Variants in CPQ observed in about 807,000 individuals in gnomAD.
CPQ encodes Ser-Met dipeptidase.
In CPQ, 37 loss-of-function variants were observed where a neutral mutation model predicts 45.7. The ratio of observed to expected loss-of-function variants is 0.81; its 90% CI spans 0.62 to 1.07. The LOEUF (loss-of-function observed/expected upper bound fraction) is 1.07, where lower values mean the gene tolerates loss of function less well. CPQ is among the 50% of genes least tolerant of loss of function. The pLI is 0.00. For synonymous variants in CPQ, 186 were observed against 205.8 expected (o/e 0.90, Z 0.82); for missense variants, 537 against 572.9 (o/e 0.94, Z 0.64).
chr8:96,676,740 T>G (rs1444473224), intron 1 of CPQ, among the ~76,000 whole-genome samples: 1 of 152,064 alleles, frequency 6.6e-6, no homozygotes, highest in Non-Finnish European at 1.5e-5. Context: ...ATAGGCTGTT[T>G]AGTGGTGATT....
chr8:96,672,977 A>G (rs574067709), intron 1 of CPQ, among the ~76,000 whole-genome samples: 1 of 152,082 alleles, frequency 6.6e-6, no homozygotes, highest in Non-Finnish European at 1.5e-5. Flanking sequence ...ATGAAGGTGT[A>G]CTGTTCACTC....
At chr8:97,124,882 A>C (rs1282588748) in intron 7 of CPQ, among the ~76,000 whole-genome samples, 2 of 152,192 alleles carry the variant, frequency 1.3e-5, no homozygotes, top group Non-Finnish European at 2.9e-5. Flanking sequence ...ACAACAACAA[A>C]AATACTAACC....
At chr8:96,725,128 C>G (rs879085632) in intron 1 of CPQ, among the ~76,000 whole-genome samples, 1 of 152,104 alleles carries the variant, frequency 6.6e-6, no homozygotes, top group Admixed American at 6.6e-5. Flanking sequence ...CTGTAAAAGT[C>G]TTAGAAGAAA....
chr8:97,108,199 T>A (rs1811435604), intron 7 of CPQ, among the ~76,000 whole-genome samples: 1 of 152,194 alleles, frequency 6.6e-6, no homozygotes, highest in South Asian at 2.1e-4. Context: ...GTACTAATAT[T>A]CCATGTTGTA....
At chr8:96,648,703 G>C (rs535346574) in intron 1 of CPQ, among the ~76,000 whole-genome samples, 13 of 152,238 alleles carry the variant, frequency 8.5e-5, no homozygotes, top group African/African-American at 3.1e-4. Context: ...CCAGGAAAGA[G>C]GTATGATTGG....
At chr8:96,703,026 T>C (rs770607466) in intron 1 of CPQ, among the ~76,000 whole-genome samples, 84 of 152,132 alleles carry the variant, frequency 5.5e-4, no homozygotes, top group Non-Finnish European at 1.0e-3. Flanking sequence ...TGTTAATGAA[T>C]CAATAGATAG....
At chr8:97,122,970 AT>A (rs1563586879) in intron 7 of CPQ, among the ~76,000 whole-genome samples, 43 of 74,656 alleles carry the variant, frequency 5.8e-4, no homozygotes, top group East Asian at 8.2e-4. Context: ...ATAAAATAAA[AT>A]AAAATAAAAT....
chr8:96,966,146 C>T, intron 5 of CPQ, 100 bp downstream of exon 5: 1 of 792,164 alleles, frequency 1.3e-6, no homozygotes. Context: ...ATGGTATGTT[C>T]AAAGATCCTC....
intron 1 of CPQ, among the ~76,000 whole-genome samples, chr8:96,654,533 T>C (rs1386277572): frequency 6.6e-6 from 1 of 151,482 alleles, no homozygotes; most frequent in Non-Finnish European, 1.5e-5. Flanking sequence ...TCAAGGTCCT[T>C]ATGATCCCCT....
Position 96,734,786 on chromosome 8 carries a change from C to T in CPQ, c.-34-50078C>T, listed in dbSNP as rs925696601. Among the ~76,000 whole-genome samples the T allele has an allele frequency of 3.3e-5, 5 of 151,958 alleles. No individual in the cohort carries two copies. The South Asian group carries it at 1.0e-3, about 32-fold the overall frequency. ...AAAAAAATAAAATATCCTCTGACAACTTCCCAGGCTTTTATACTTGAGTCC... is the reference window on the plus strand; with the variant it reads ...AAAAAAATAAAATATCCTCTGACAATTTCCCAGGCTTTTATACTTGAGTCC... On this transcript the variant is annotated intron_variant, in intron 1 of 7. Transcript: ENST00000220763.
chr8:96,702,533 A>G (rs1350164597), intron 1 of CPQ, among the ~76,000 whole-genome samples: 2 of 152,182 alleles, frequency 1.3e-5, no homozygotes, highest in East Asian at 3.8e-4. Context: ...GATAGCTAAC[A>G]CTTAAATAGT....
chr8:97,094,652 C>T (rs185700031), intron 7 of CPQ, among the ~76,000 whole-genome samples: 241 of 152,260 alleles, frequency 1.6e-3, no homozygotes, highest in Non-Finnish European at 2.8e-3. Flanking sequence ...TCTATGCCCT[C>T]AAGCAACTCA....
chr8:96,810,299 C>T (rs1811145245), intron 2 of CPQ, among the ~76,000 whole-genome samples: 1 of 152,164 alleles, frequency 6.6e-6, no homozygotes, highest in Non-Finnish European at 1.5e-5. Context: ...CTTTTATACC[C>T]TGGTGCCCAG....
chr8:96,838,123 ACCTCTTTTTT>A (rs1398347461), intron 3 of CPQ, among the ~76,000 whole-genome samples: 3 of 151,930 alleles, frequency 2.0e-5, no homozygotes, highest in Non-Finnish European at 2.9e-5. Context: ...CAGGTGAGTT[ACCTCTTTTTT>A]GGTATTTCCA....
At chr8:96,667,029 T>G (rs1272667647) in intron 1 of CPQ, among the ~76,000 whole-genome samples, 1 of 152,162 alleles carries the variant, frequency 6.6e-6, no homozygotes, top group Non-Finnish European at 1.5e-5. Context: ...TTCTAGTCTC[T>G]CTTTTTTAAT....
chr8:96,815,514 A>AAAAG (rs778426664), intron 2 of CPQ, among the ~76,000 whole-genome samples: 2 of 152,038 alleles, frequency 1.3e-5, no homozygotes, highest in East Asian at 1.9e-4. Flanking sequence ...TTGGAGGAAA[A>AAAAG]AAAGAAAGAA....
chr8:96,655,923 C>T lies in CPQ; in HGVS notation c.-35+10521C>T, dbSNP rs57679589. 3.2e-3 allele frequency among the ~76,000 whole-genome samples: 481 copies of T among 152,328 alleles called. 4 individuals are homozygous for T. Among genetic ancestry groups the T allele is most frequent in the African/African-American group, 0.011 (452 of 41,560 alleles). The stretch of plus-strand genomic sequence containing the variant: ...CCTCCTGAGTGCAGTGGTATAATGA[C>T]AGCTCACTGCAGCCTTGACCTCCTG... On this transcript the variant is annotated intron_variant, in intron 1 of 7. Transcript: ENST00000220763.
chr8:96,697,219 A>T (rs1809396898), intron 1 of CPQ, among the ~76,000 whole-genome samples: 1 of 152,220 alleles, frequency 6.6e-6, no homozygotes, highest in African/African-American at 2.4e-5. Context: ...TCCTCAACAT[A>T]TGCAAACCAA....
intron 7 of CPQ, 97 bp from the exon 8 acceptor site, chr8:97,142,923 G>A: frequency 7.7e-6 from 9 of 1,168,550 alleles, no homozygotes; most frequent in South Asian, 1.4e-5. Flanking sequence ...ATTGCAGACT[G>A]TATAATAGGA....
Sources: gnomAD v4.1 joint callset for allele counts (sites outside exome capture counted in the v4.1 genomes callset) on GRCh38, gnomAD v4.1.1 for gene constraint, MANE v1.5 for transcripts, NCBI Gene and HGNC (gene_info 2026-07-23, HGNC 2026-07-21) for gene names.